Variants in HIRA observed in about 807,000 individuals in gnomAD.
HIRA encodes histone cell cycle regulator, also known as protein HIRA.
HIRA carries 13 observed loss-of-function variants against 126.6 expected under a neutral mutation model. That is an observed-to-expected ratio of 0.10 (90% CI 0.07 to 0.16). The LOEUF (loss-of-function observed/expected upper bound fraction) is 0.16, where lower values mean the gene tolerates loss of function less well. HIRA is among the 10% of genes least tolerant of loss of function. HIRA has a pLI of 1.00. For missense variants in HIRA, 834 were observed against 1,314.4 expected, an observed-to-expected ratio of 0.63 and a Z score of 5.65; for synonymous variants, 511 against 520.0, an observed-to-expected ratio of 0.98 and a Z score of 0.24.
chr22:19,405,593 G>A, intron 5 of HIRA, 193 bp downstream of exon 5: 1 of 807,636 alleles, frequency 1.2e-6, no homozygotes. Context: ...GAATGCAGCT[G>A]GAGACAGGTA....
chr22:19,384,020 A>G (rs1228532684), intron 12 of HIRA, among the ~76,000 whole-genome samples: 6 of 152,074 alleles, frequency 3.9e-5, no homozygotes, highest in African/African-American at 1.2e-4. Context: ...GATTCCTCAT[A>G]TAAGAGGTAT....
At chr22:19,348,306 T>C (rs1320090188) in intron 24 of HIRA, among the ~76,000 whole-genome samples, 1 of 152,130 alleles carries the variant, frequency 6.6e-6, no homozygotes, top group African/African-American at 2.4e-5. Context: ...ACCAGGTACA[T>C]AAGGAGATAA....
intron 24 of HIRA, among the ~76,000 whole-genome samples, chr22:19,347,171 G>T (rs1556009121): frequency 6.6e-6 from 1 of 152,210 alleles, no homozygotes; most frequent in African/African-American, 2.4e-5. Context: ...GCCTGTCCTG[G>T]AGGTGAGATG....
intron 19 of HIRA, 78 bp from the exon 20 acceptor site, chr22:19,356,366 C>G: frequency 1.6e-6 from 2 of 1,248,908 alleles, no homozygotes; most frequent in Non-Finnish European, 2.3e-6. Flanking sequence ...CTCAGACACC[C>G]TGGCCCTACT....
chr22:19,348,419 T>A (rs2088712383), intron 24 of HIRA, among the ~76,000 whole-genome samples: 1 of 151,976 alleles, frequency 6.6e-6, no homozygotes, highest in Non-Finnish European at 1.5e-5. Context: ...TTAAAATAAC[T>A]AAGATTATTA....
At chr22:19,425,370 T>C (rs1756546048) in intron 1 of HIRA, among the ~76,000 whole-genome samples, 1 of 152,216 alleles carries the variant, frequency 6.6e-6, no homozygotes, top group South Asian at 2.1e-4. Flanking sequence ...TAGACACTTC[T>C]GCAGTCCATA....
At chr22:19,392,055 C>T (rs377615377) in intron 9 of HIRA, 46 bp downstream of exon 9, 1 of 1,168,780 alleles carries the variant, frequency 8.6e-7, no homozygotes, top group Non-Finnish European at 1.3e-6. Flanking sequence ...ACTTTACCAA[C>T]CTACACCTCC....
chr22:19,420,345 A>G (rs1486009650), intron 1 of HIRA, among the ~76,000 whole-genome samples: 1 of 151,260 alleles, frequency 6.6e-6, no homozygotes, highest in Non-Finnish European at 1.5e-5. Context: ...GCAAGCCTGT[A>G]GTCTCAGCTA....
In HIRA at chr22:19,420,946, T is replaced by C. The variant is rs150452827; in HGVS notation, c.38-10168A>G. Among the ~76,000 whole-genome samples the C allele has an allele frequency of 3.9e-3, 593 of 152,332 alleles. 4 individuals are homozygous for C. Among genetic ancestry groups the C allele is most frequent in the African/African-American group, 0.014 (574 of 41,582 alleles). ...CATTTCCATAGTGGGAAAAATCTGC[T>C]AGCTCAACAATAACCACAATTAAGA... On this transcript the variant is annotated intron_variant, in intron 1 of 24. Transcript: ENST00000263208.
chr22:19,365,012 A>T (rs1006076505), intron 15 of HIRA, among the ~76,000 whole-genome samples: 3 of 152,224 alleles, frequency 2.0e-5, no homozygotes, highest in African/African-American at 7.2e-5. Context: ...TGCTCTGGAT[A>T]GAAGATCAAA....
intron 1 of HIRA, among the ~76,000 whole-genome samples, chr22:19,412,581 C>T (rs2089362921): frequency 6.6e-6 from 1 of 152,148 alleles, no homozygotes; most frequent in African/African-American, 2.4e-5. Context: ...CGGAACATTC[C>T]CCTCCCCTTG....
intron 2 of HIRA, among the ~76,000 whole-genome samples, chr22:19,409,635 C>A (rs540678168): frequency 1.1e-4 from 16 of 152,306 alleles, no homozygotes; most frequent in African/African-American, 3.4e-4. Context: ...AGTTTAGCCC[C>A]TCACTTAATT....
chr22:19,380,596 T>G (rs1256542271), intron 13 of HIRA, among the ~76,000 whole-genome samples: 1 of 152,218 alleles, frequency 6.6e-6, no homozygotes, highest in Non-Finnish European at 1.5e-5. Context: ...CTATTTATTT[T>G]TCCAGATAAC....
Position 19,388,538 on chromosome 22 carries a change from C to T in HIRA, c.953G>A (p.Arg318Gln), listed in dbSNP as rs771507259. 1.9e-6 allele frequency: 3 copies of T among 1,613,488 alleles called. No individual in the cohort carries two copies. Among genetic ancestry groups the T allele is most frequent in the South Asian group, 1.1e-5 (1 of 91,064 alleles). ...CAGTTCATGGATGACCACCAGCGGC[C>T]GTTTCAGACATGTGAGCTGGAAGGA... ...SLSVWLTCLK[R>Q]PLVVIHELFD... Residue 318 changes from arginine to glutamine, a missense_variant, in exon 10 of 25, where the codon CGG (arginine) becomes CAG (glutamine). Around this residue, in one of 5 missense-constraint regions of HIRA, gnomAD observed 153 missense variants for 270.6 expected, o/e 0.57. Transcript: ENST00000263208.
intron 5 of HIRA, among the ~76,000 whole-genome samples, chr22:19,403,281 T>C (rs11089274): frequency 0.077 from 11,759 of 152,126 alleles, 510 homozygotes; most frequent in Middle Eastern, 0.17. Flanking sequence ...GATTCCCTTG[T>C]ACTACACTTA....
At chr22:19,384,560 G>A (rs1393593688) in intron 12 of HIRA, among the ~76,000 whole-genome samples, 3 of 151,966 alleles carry the variant, frequency 2.0e-5, no homozygotes, top group African/African-American at 2.4e-5. Context: ...CACACTGGCC[G>A]CCTCGCACAA....
chr22:19,351,323 A>C lies in HIRA; in HGVS notation c.2937+35T>G, dbSNP rs781880245. 33 of 1,576,826 alleles carry C rather than the reference A, an allele frequency of 2.1e-5. No individual in the cohort carries two copies. Among genetic ancestry groups the C allele is most frequent in the Non-Finnish European group, 2.8e-5 (33 of 1,167,014 alleles). On this transcript the variant is annotated intron_variant, in intron 24 of 24. Transcript: ENST00000263208. This position sits in a 1 kb window ranked among gnomAD's most constrained non-coding sequence, Gnocchi z 4.8. ...AATCTCCACCTTCATGTTTCAAGAA[A>C]GAATTCTTGCAGCAACAATGAAAGA...
intron 6 of HIRA, among the ~76,000 whole-genome samples, chr22:19,397,782 C>T (rs2089235595): frequency 6.6e-6 from 1 of 152,168 alleles, no homozygotes; most frequent in African/African-American, 2.4e-5. Flanking sequence ...GCATGCCATG[C>T]TAGCACTCAG....
chr22:19,400,395 T>C (rs751317623), intron 5 of HIRA, among the ~76,000 whole-genome samples: 2 of 152,198 alleles, frequency 1.3e-5, no homozygotes, highest in Non-Finnish European at 2.9e-5. Context: ...GAATCCATTT[T>C]GATAAGCGAT....
Sources: allele counts gnomAD v4.1 joint callset (sites outside exome capture counted in the v4.1 genomes callset), GRCh38; gene constraint gnomAD v4.1.1; regional missense constraint gnomAD v4.1.1; non-coding constraint Gnocchi (gnomAD v3.1); transcripts MANE v1.5; gene names NCBI Gene and HGNC (gene_info 2026-07-23, HGNC 2026-07-21).